MSH6: variants seen among roughly 807,000 people sequenced by gnomAD.
MSH6 encodes the protein mutS homolog 6.
Under a neutral mutation model 119.1 loss-of-function variants are expected in MSH6, and 85 were observed. The ratio of observed to expected loss-of-function variants is 0.71; its 90% CI spans 0.60 to 0.85. The LOEUF (loss-of-function observed/expected upper bound fraction) is 0.85, where lower values mean the gene tolerates loss of function less well. Among genes scored for constraint, MSH6 ranks in the 40% least tolerant of loss-of-function variants. The pLI, the probability that MSH6 is intolerant of heterozygous loss-of-function variation, is 0.00. For missense variants in MSH6, 2,163 were observed against 1,655.3 expected (o/e 1.31, Z -5.32); for synonymous variants, 830 against 586.9 (o/e 1.41, Z -5.99).
In MSH6 at chr2:47,783,266, C is replaced by G. The variant is rs747802641; in HGVS notation, c.33C>G (p.Phe11Leu). The G allele has an allele frequency of 2.4e-5, 39 of 1,612,120 alleles. 1 individual carries two copies. The Admixed American group carries it at 6.5e-4, about 27-fold the overall frequency. The change falls in exon 1 of 10, where the codon TTC (phenylalanine) becomes TTG (leucine). Residue 11 changes from phenylalanine (F) to leucine (L), a missense_variant. Coordinates refer to ENST00000234420, the MANE Select transcript of MSH6 (RefSeq NM_000179.3). ...GACAGAGCACCCTGTACAGCTTCTT[C>G]CCCAAGTCTCCGGCGCTGAGTGATG... MSRQSTLYSF[F>L]PKSPALSDAN...
At chr2:47,792,142 AGCCG>A (rs1668769051) in intron 2 of MSH6, among the ~76,000 whole-genome samples, 1 of 151,968 alleles carries the variant, frequency 6.6e-6, no homozygotes, top group African/African-American at 2.4e-5. Context: ...CACTGTGCCC[AGCCG>A]CCCAGCTAAT....
At chr2:47,791,579 C>G (rs768682679) in intron 2 of MSH6, among the ~76,000 whole-genome samples, 1 of 152,038 alleles carries the variant, frequency 6.6e-6, no homozygotes, top group Non-Finnish European at 1.5e-5. Flanking sequence ...TTTCCCAGAT[C>G]TAGTCTTGTT....
At chr2:47,789,675 T>G (rs1447224135) in intron 1 of MSH6, among the ~76,000 whole-genome samples, 1 of 152,226 alleles carries the variant, frequency 6.6e-6, no homozygotes, top group Non-Finnish European at 1.5e-5. Context: ...ACCCAAATCC[T>G]TGGATGTCCA....
At chr2:47,809,809 A>T (rs180908320), downstream of MSH6, 3 of 709,228 alleles carry the variant, frequency 4.2e-6, no homozygotes, top group Admixed American at 7.3e-5. Flanking sequence ...ATAGAAGTAC[A>T]TTAACCCTCT....
downstream of MSH6, chr2:47,808,049 A>C: frequency 2.9e-6 from 4 of 1,386,246 alleles, no homozygotes; most frequent in Non-Finnish European, 3.0e-6. Context: ...AATATTTTAA[A>C]TCTTCTTCCA....
intron 5 of MSH6, among the ~76,000 whole-genome samples, chr2:47,804,605 A>G (rs1030695197): frequency 1.3e-5 from 2 of 151,500 alleles, no homozygotes; most frequent in Admixed American, 6.6e-5. Flanking sequence ...GATTCTAGGC[A>G]TCTCAGTAGT....
chr2:47,784,137 C>T, intron 1 of MSH6: 1 of 1,002,936 alleles, frequency 1.0e-6, no homozygotes, highest in South Asian at 4.7e-5. Context: ...GGGCCACGAG[C>T]TGCGAGCGCG....
At position 47,804,610 on chromosome 2, in the gene MSH6, A is replaced by C. The variant is rs73929243; in HGVS notation, c.3439-300A>C. On this transcript the variant is annotated intron_variant, in intron 5 of 9. Transcript: ENST00000234420. ...GATTGGAATTGATTCTAGGCATCTC[A>C]GTAGTTTTAAAGAGCTCCTAGGTGA... Among the ~76,000 whole-genome samples, 427 of 151,636 alleles carry C rather than the reference A, an allele frequency of 2.8e-3. 2 individuals carry two copies. Among genetic ancestry groups the C allele is most frequent in the African/African-American group, 0.01 (414 of 41,338 alleles).
intron 1 of MSH6, chr2:47,789,440 C>A: frequency 2.1e-6 from 1 of 469,496 alleles, no homozygotes. Flanking sequence ...GCACATTTAT[C>A]CTGTAAACAA....
chr2:47,783,476 G>A lies in MSH6; in HGVS notation c.243G>A (p.Ala81=), dbSNP rs1057523564. The part of the protein sequence containing the change: ...NLNGGLRRSV[A]PAAPTSCDFS... ...ACGGAGGGCTGCGGAGATCGGTAGC[G>A]CCTGCTGCCCCCACCAGGTAGCGGG... The change falls in exon 1 of 10, where the codon GCG becomes GCA. Residue 81 remains alanine, a synonymous_variant. Coordinates refer to ENST00000234420, the MANE Select transcript of MSH6 (RefSeq NM_000179.3). The A allele has an allele frequency of 1.4e-6, 2 of 1,441,332 alleles. No individual in the cohort carries two copies. Among genetic ancestry groups the A allele is most frequent in the South Asian group, 1.5e-5 (1 of 67,972 alleles). 89.3% of individuals were successfully genotyped at this position (1,441,332 alleles called of 1,614,324 possible).
chr2:47,801,760 C>T (rs1393281203), intron 4 of MSH6, among the ~76,000 whole-genome samples: 1 of 152,072 alleles, frequency 6.6e-6, no homozygotes. Flanking sequence ...GTGTCAGCCT[C>T]TTAGGTAGCT....
chr2:47,808,037 C>T, downstream of MSH6: 2 of 1,284,314 alleles, frequency 1.6e-6, no homozygotes, highest in Non-Finnish European at 2.2e-6. Flanking sequence ...GTAGCATGGG[C>T]AAATATTTTA....
At chr2:47,788,934 T>TTTTTTTTTTTTTTTTTTTTTTG (rs1668554089) in intron 1 of MSH6, among the ~76,000 whole-genome samples, 1 of 99,650 alleles carries the variant, frequency 1.0e-5, no homozygotes, top group Non-Finnish European at 2.0e-5. Flanking sequence ...TTTTTTTTTT[T>TTTTTTTTTTTTTTTTTTTTTTG]TTTTTTTTTT....
chr2:47,806,650 C>T lies in MSH6; in HGVS notation c.4000C>T (p.Arg1334Trp), dbSNP rs773763465. Residue 1334 changes from arginine (R) to tryptophan (W), a missense_variant and splice_region_variant, in exon 9 of 10, where the codon CGG (arginine) becomes TGG (tryptophan). Arg to Trp is a moderately radical substitution (Grantham distance 101). Transcript: ENST00000234420. Reference protein sequence around the residue: ...EKMNQSLRLFREVCLASERST... With the variant: ...EKMNQSLRLFWEVCLASERST... ...GATGAATCAGTCACTACGATTATTTCGGTAACTAACTAACTATAATGGAAT... is the reference window on the plus strand; with the variant it reads ...GATGAATCAGTCACTACGATTATTTTGGTAACTAACTAACTATAATGGAAT... 56 of 1,606,498 alleles carry T rather than the reference C, an allele frequency of 3.5e-5. No homozygotes were observed. The highest frequency in any genetic ancestry group is 8.4e-5 in the Admixed American group (5 of 59,850).
rs1172760455 is a variant in MSH6 at position 47,799,811 on chromosome 2, A to G, written c.1828A>G (p.Lys610Glu). 6.2e-7 allele frequency: 1 copy of G among 1,614,188 alleles called. No individual in the cohort carries two copies. Among genetic ancestry groups the G allele is most frequent in the East Asian group, 2.2e-5 (1 of 44,884 alleles). The change falls in exon 4 of 10, where the codon AAG becomes GAG. Residue 610 changes from lysine (K) to glutamate (E), a missense_variant. By Grantham distance (56) the Lys-to-Glu change is moderately conservative. Transcript: ENST00000234420. ...NLSKETKTIL[K>E]SSLSCSLQEG... ...CTCAAAGGAAACTAAAACAATTCTA[A>G]AGAGTTCATTGTCCTGTTCTCTTCA...
At chr2:47,806,715 G>C (rs1670177304) in intron 9 of MSH6, 64 bp downstream of exon 9, 2 of 1,576,742 alleles carry the variant, frequency 1.3e-6, no homozygotes, top group Non-Finnish European at 1.7e-6. Flanking sequence ...AACAGTAAAA[G>C]GGGAAGGGAT....
At chr2:47,784,109 A>G in intron 1 of MSH6, 4 of 983,646 alleles carry the variant, frequency 4.1e-6, no homozygotes, top group Non-Finnish European at 4.8e-6. Context: ...GGCCTAGGTG[A>G]GGGGCCGCCG....
chr2:47,783,196 C>G lies in MSH6; in HGVS notation c.-38C>G, dbSNP rs185538282. 9 of 1,609,374 alleles carry G rather than the reference C, an allele frequency of 5.6e-6. No homozygotes were observed. Among genetic ancestry groups the G allele is most frequent in the Middle Eastern group, 3.3e-4 (2 of 6,046 alleles). On this transcript the variant is annotated 5_prime_UTR_variant, in exon 1 of 10. Transcript: ENST00000234420. ...GGTAGATGCGGTGCTTTTAGGAGCT[C>G]CGTCCGACAGAACGGTTGGGCCTTG...
At chr2:47,798,546 A>C (rs953659798) in intron 3 of MSH6, 65 bp from the exon 4 acceptor site, 1 of 1,547,970 alleles carries the variant, frequency 6.5e-7, no homozygotes. Context: ...CATAAGTTGA[A>C]CTGTCTTACA....
Sources: gnomAD v4.1 joint callset for allele counts (sites outside exome capture counted in the v4.1 genomes callset) on GRCh38, gnomAD v4.1.1 for gene constraint, MANE v1.5 for transcripts, NCBI Gene and HGNC (gene_info 2026-07-23, HGNC 2026-07-21) for gene names.